Variants in PDSS2 observed in about 807,000 individuals in gnomAD.
The protein encoded by PDSS2 is all trans-polyprenyl-diphosphate synthase PDSS2.
Under a neutral mutation model 44.5 loss-of-function variants are expected in PDSS2, and 31 were observed. The observed-to-expected ratio is 0.70, with a 90% CI of 0.52 to 0.94. The LOEUF is 0.94. PDSS2 is among the 40% of genes least tolerant of loss of function. The pLI is 0.00. For missense variants in PDSS2, 452 were observed against 482.2 expected, an observed-to-expected ratio of 0.94 and a Z score of 0.59; for synonymous variants, 157 against 180.3, an observed-to-expected ratio of 0.87 and a Z score of 1.03.
At chr6:107,414,187 A>G in intron 1 of PDSS2, among the ~76,000 whole-genome samples, 1 of 152,254 alleles carries the variant, frequency 6.6e-6, no homozygotes, top group East Asian at 1.9e-4. Flanking sequence ...AGTTAGGCCA[A>G]ATAGGGCTAT....
intron 1 of PDSS2, among the ~76,000 whole-genome samples, chr6:107,368,920 C>T (rs925747004): frequency 1.3e-5 from 2 of 152,226 alleles, no homozygotes; most frequent in Admixed American, 6.5e-5. Context: ...CCTGAACTTA[C>T]GATAAAGCTA....
At chr6:107,391,121 C>T (rs1779766081) in intron 1 of PDSS2, among the ~76,000 whole-genome samples, 1 of 364 alleles carries the variant, frequency 2.7e-3, no homozygotes, top group Admixed American at 0.031. Flanking sequence ...TTTTTGCTCA[C>T]ATTTTTATAT....
chr6:107,459,509 A>G lies in PDSS2; in HGVS notation c.-224T>C. 1.7e-6 allele frequency: 1 copy of G among 576,906 alleles called. No individual in the cohort carries two copies. Among genetic ancestry groups the G allele is most frequent in the Non-Finnish European group, 3.1e-6 (1 of 324,192 alleles). 35.7% of individuals were successfully genotyped at this position (576,906 alleles called of 1,614,324 possible). On this transcript the variant is annotated 5_prime_UTR_variant, in exon 1 of 8. Coordinates refer to ENST00000369037, the MANE Select transcript of PDSS2 (RefSeq NM_020381.4). This position sits in a 1 kb window ranked among gnomAD's most constrained non-coding sequence, Gnocchi z 4.3. ...TCCCAGCTCAGCACTGCCCCCGGCC[A>G]CCCGGGGTAGAAACCACAGCCACTG...
intron 1 of PDSS2, among the ~76,000 whole-genome samples, chr6:107,348,301 G>A (rs890885854): frequency 6.6e-6 from 1 of 152,186 alleles, no homozygotes; most frequent in South Asian, 2.1e-4. Flanking sequence ...ACAGGTTAGC[G>A]TCTTGGCCAA....
intron 2 of PDSS2, among the ~76,000 whole-genome samples, chr6:107,288,314 T>C (rs1055465624): frequency 6.6e-6 from 1 of 152,128 alleles, no homozygotes; most frequent in African/African-American, 2.4e-5. Context: ...AAAAAAAATA[T>C]GAGGGCTGGA....
intron 7 of PDSS2, among the ~76,000 whole-genome samples, chr6:107,190,084 T>TAA (rs200204096): frequency 2.9e-4 from 41 of 142,546 alleles, no homozygotes; most frequent in South Asian, 1.3e-3. Context: ...ACCCTATCTC[T>TAA]AAAAAAAAAA....
At chr6:107,391,494 G>T (rs899644292) in intron 1 of PDSS2, among the ~76,000 whole-genome samples, 1 of 151,856 alleles carries the variant, frequency 6.6e-6, no homozygotes, top group Non-Finnish European at 1.5e-5. Flanking sequence ...AGGGGATGGG[G>T]GGATTACAAA....
intron 4 of PDSS2, among the ~76,000 whole-genome samples, chr6:107,226,504 GTTC>G: frequency 6.6e-6 from 1 of 152,010 alleles, no homozygotes; most frequent in Non-Finnish European, 1.5e-5. Flanking sequence ...GGAAAAGTGT[GTTC>G]CAAGCTGCAA....
At chr6:107,171,155 CT>C (rs1289700034) in intron 7 of PDSS2, among the ~76,000 whole-genome samples, 2 of 151,960 alleles carry the variant, frequency 1.3e-5, no homozygotes, top group African/African-American at 4.8e-5. Context: ...CTTTTTTGTT[CT>C]TTTTTTAAAT....
intron 2 of PDSS2, among the ~76,000 whole-genome samples, chr6:107,322,103 C>T (rs926983729): frequency 2.6e-5 from 4 of 152,204 alleles, no homozygotes; most frequent in Non-Finnish European, 4.4e-5. Context: ...ATTAATCATG[C>T]TTTTATCTTC....
intron 1 of PDSS2, among the ~76,000 whole-genome samples, chr6:107,413,989 T>G (rs150853844): frequency 4.0e-5 from 6 of 151,868 alleles, no homozygotes; most frequent in Non-Finnish European, 7.4e-5. Flanking sequence ...GAAAATGAAT[T>G]CTACAAAGTT....
At chr6:107,262,727 G>A (rs781063129) in intron 3 of PDSS2, among the ~76,000 whole-genome samples, 2 of 151,876 alleles carry the variant, frequency 1.3e-5, no homozygotes, top group African/African-American at 2.4e-5. Context: ...AGCCAGGATC[G>A]TGCCACTGCA....
chr6:107,321,197 T>A (rs12665306), intron 2 of PDSS2, among the ~76,000 whole-genome samples: 22,280 of 152,134 alleles, frequency 0.15, 2,081 homozygotes, highest in East Asian at 0.26. Flanking sequence ...AATAAATGTT[T>A]GTTGAATGAA....
At position 107,458,412 on chromosome 6, in the gene PDSS2, C is replaced by CAAAAAAAA. The variant is rs60758453; in HGVS notation, c.296+570_296+577dup. Among the ~76,000 whole-genome samples the CAAAAAAAA allele has an allele frequency of 5.1e-4, 40 of 78,114 alleles. 4 individuals carry two copies. The highest frequency in any genetic ancestry group is 1.7e-3 in the African/African-American group (26 of 15,622). 51.2% of individuals were successfully genotyped at this position (78,114 alleles called of 152,430 possible). A position where few individuals can be genotyped will look rare whatever the true frequency, so the allele number is the denominator to read the frequency against. On this transcript the variant is annotated intron_variant, in intron 1 of 7. Transcript: ENST00000369037. ...TGGGCGACAAAGCGAGACTCCGTCT[C>CAAAAAAAA]AAAAAAAAAAAAAAAAAAAACTTTT... is the stretch of plus-strand genomic sequence containing the variant.
At chr6:107,245,666 T>G in intron 3 of PDSS2, 47 bp from the exon 4 acceptor site, 1 of 1,168,054 alleles carries the variant, frequency 8.6e-7, no homozygotes, top group Non-Finnish European at 1.2e-6. Flanking sequence ...TAAATATATC[T>G]CTATTGTTAC....
chr6:107,381,892 A>T (rs1047363837), intron 1 of PDSS2, among the ~76,000 whole-genome samples: 10 of 152,330 alleles, frequency 6.6e-5, no homozygotes, highest in African/African-American at 2.4e-4. Context: ...CAGAGGTTTA[A>T]CACTAGCTGC....
chr6:107,340,339 T>G (rs1291786992), intron 1 of PDSS2, among the ~76,000 whole-genome samples: 1 of 152,110 alleles, frequency 6.6e-6, no homozygotes, highest in Non-Finnish European at 1.5e-5. Context: ...AAGGATTGAG[T>G]AGGTAAAACT....
chr6:107,364,090 C>T (rs948898493), intron 1 of PDSS2, among the ~76,000 whole-genome samples: 1 of 152,254 alleles, frequency 6.6e-6, no homozygotes, highest in Non-Finnish European at 1.5e-5. Flanking sequence ...TTGAGCTAAA[C>T]ACAGGGTGCT....
Position 107,412,233 on chromosome 6 carries a change from C to CTTTTTT in PDSS2, c.296+46751_296+46756dup, listed in dbSNP as rs1169549611. Among the ~76,000 whole-genome samples, 32 of 73,434 alleles carry CTTTTTT rather than the reference C, an allele frequency of 4.4e-4. 1 individual carries two copies. The highest frequency in any genetic ancestry group is 7.8e-4 in the East Asian group (2 of 2,566). The allele number at this position is 73,434 out of a possible 152,430, so 48.2% of individuals were successfully genotyped here. On this transcript the variant is annotated intron_variant, in intron 1 of 7. Transcript: ENST00000369037. ...AAACTATCTGTTCATGTCCTTTGCT[C>CTTTTTT]TTTTTTTTTTTTTTTTTTTTTTTTG... is the stretch of plus-strand genomic sequence containing the variant.
Sources: gnomAD v4.1 joint callset for allele counts (sites outside exome capture counted in the v4.1 genomes callset) on GRCh38, gnomAD v4.1.1 for gene constraint, Gnocchi (gnomAD v3.1) non-coding constraint, MANE v1.5 for transcripts, NCBI Gene and HGNC (gene_info 2026-07-23, HGNC 2026-07-21) for gene names.